PARD3B: variants seen among roughly 807,000 people sequenced by gnomAD.
PARD3B encodes partitioning defective 3 homolog B.
PARD3B carries 103 observed loss-of-function variants against 130.2 expected under a neutral mutation model. The observed-to-expected ratio is 0.79, with a 90% CI of 0.67 to 0.93. The LOEUF (loss-of-function observed/expected upper bound fraction) is 0.93, where lower values mean the gene tolerates loss of function less well. Among genes scored for constraint, PARD3B ranks in the 40% least tolerant of loss-of-function variants. PARD3B has a pLI of 0.00. For missense variants in PARD3B, 1,609 were observed against 1,499.2 expected (o/e 1.07, Z -1.21); for synonymous variants, 583 against 553.2 (o/e 1.05, Z -0.76).
chr2:204,871,562 A>G (rs562048487), intron 2 of PARD3B, among the ~76,000 whole-genome samples: 1 of 152,280 alleles, frequency 6.6e-6, no homozygotes, highest in African/African-American at 2.4e-5. Context: ...AAGTGCTAGA[A>G]AAGTAAATAA....
intron 4 of PARD3B, among the ~76,000 whole-genome samples, chr2:205,086,975 A>G (rs1239862416): frequency 6.6e-6 from 1 of 152,256 alleles, no homozygotes. Flanking sequence ...TAGATTTCAG[A>G]TATAGGCACT....
intron 3 of PARD3B, among the ~76,000 whole-genome samples, chr2:205,027,741 T>C (rs1697136455): frequency 6.6e-6 from 1 of 152,204 alleles, no homozygotes; most frequent in Non-Finnish European, 1.5e-5. Flanking sequence ...AATTTTTGTA[T>C]ATGAGGTAAG....
At chr2:204,986,978 T>A (rs1306431966) in intron 3 of PARD3B, among the ~76,000 whole-genome samples, 11 of 152,196 alleles carry the variant, frequency 7.2e-5, no homozygotes, top group Admixed American at 7.2e-4. Context: ...AGGGAGATAT[T>A]CTAAAACAAT....
intron 22 of PARD3B, among the ~76,000 whole-genome samples, chr2:205,613,799 C>T (rs376779928): frequency 6.6e-6 from 1 of 152,122 alleles, no homozygotes; most frequent in Non-Finnish European, 1.5e-5. Flanking sequence ...CTACATGCAC[C>T]GAGCTGGGAG....
At chr2:204,977,679 G>C (rs1463978744) in intron 3 of PARD3B, among the ~76,000 whole-genome samples, 1 of 152,060 alleles carries the variant, frequency 6.6e-6, no homozygotes, top group Non-Finnish European at 1.5e-5. Flanking sequence ...GGGCATGGTG[G>C]CGGGCGCCTG....
chr2:205,541,706 C>T (rs2052147843), intron 21 of PARD3B, among the ~76,000 whole-genome samples: 1 of 151,872 alleles, frequency 6.6e-6, no homozygotes, highest in Non-Finnish European at 1.5e-5. Context: ...GCAATGAGTA[C>T]AGCCAATCAG....
At chr2:204,661,777 A>C (rs2035816724) in intron 1 of PARD3B, among the ~76,000 whole-genome samples, 1 of 152,186 alleles carries the variant, frequency 6.6e-6, no homozygotes, top group Non-Finnish European at 1.5e-5. Flanking sequence ...AAAAATCTTT[A>C]CTGAAAAAAG....
chr2:204,782,764 A>G (rs1377356692), intron 2 of PARD3B, among the ~76,000 whole-genome samples: 1 of 152,008 alleles, frequency 6.6e-6, no homozygotes, highest in East Asian at 1.9e-4. Flanking sequence ...TAGGCAATGT[A>G]TTATTTATCT....
At chr2:205,571,992 C>G (rs1270704431) in intron 22 of PARD3B, among the ~76,000 whole-genome samples, 1 of 152,164 alleles carries the variant, frequency 6.6e-6, no homozygotes, top group African/African-American at 2.4e-5. Context: ...CTGGGCAGCT[C>G]AGGTGAGCAT....
intron 19 of PARD3B, among the ~76,000 whole-genome samples, chr2:205,427,280 A>G (rs1163819151): frequency 6.6e-6 from 1 of 152,262 alleles, no homozygotes; most frequent in African/African-American, 2.4e-5. Context: ...CCAAAGCCAC[A>G]GTGGTAACAA....
At chr2:205,379,656 T>C (rs1455298043) in intron 18 of PARD3B, among the ~76,000 whole-genome samples, 2 of 152,116 alleles carry the variant, frequency 1.3e-5, no homozygotes, top group African/African-American at 4.8e-5. Context: ...CTCTGCTTAC[T>C]ATGTACCATC....
At chr2:204,994,754 C>G (rs1362680442) in intron 3 of PARD3B, among the ~76,000 whole-genome samples, 4 of 144,862 alleles carry the variant, frequency 2.8e-5, no homozygotes, top group African/African-American at 1.0e-4. Context: ...CTTTATGAAT[C>G]TGGGTGCTCC....
chr2:205,359,004 T>A (rs1343370480), intron 18 of PARD3B, among the ~76,000 whole-genome samples: 1 of 152,188 alleles, frequency 6.6e-6, no homozygotes, highest in African/African-American at 2.4e-5. Context: ...CGCAAACATT[T>A]CTGGATCCTC....
chr2:205,519,826 G>C (rs1273959435), intron 21 of PARD3B, among the ~76,000 whole-genome samples: 1 of 152,124 alleles, frequency 6.6e-6, no homozygotes, highest in Non-Finnish European at 1.5e-5. Flanking sequence ...CTTATCTCTG[G>C]TTTCAGAGGT....
chr2:204,666,485 C>T (rs1019909479), intron 1 of PARD3B, among the ~76,000 whole-genome samples: 8 of 151,830 alleles, frequency 5.3e-5, no homozygotes, highest in Non-Finnish European at 1.0e-4. Context: ...AAAAGTGAGT[C>T]GATGTAGAGA....
rs1325419120 is a variant in PARD3B, at chr2:205,116,449, G to T, written c.681-2472G>T. Reference sequence around the variant, plus strand: ...AAGGAGAAGATGTTGGTGCCTAAATGATAATTAGAAGAGCAAGAAGAATTG... The same window carrying T: ...AAGGAGAAGATGTTGGTGCCTAAATTATAATTAGAAGAGCAAGAAGAATTG... On this transcript the variant is annotated intron_variant, in intron 6 of 22. Transcript: ENST00000406610. This position sits in a 1 kb window ranked among gnomAD's most constrained non-coding sequence, Gnocchi z 4.5. 6.6e-6 allele frequency among the ~76,000 whole-genome samples: 1 copy of T among 152,190 alleles called. No homozygotes were observed. The highest frequency in any genetic ancestry group is 1.5e-5 in the Non-Finnish European group (1 of 68,022).
At chr2:204,586,218 A>G (rs1004303290) in intron 1 of PARD3B, among the ~76,000 whole-genome samples, 1 of 152,342 alleles carries the variant, frequency 6.6e-6, no homozygotes, top group Middle Eastern at 3.4e-3. Context: ...TCATAAATGC[A>G]TACCTGACAC....
chr2:205,558,542 GGGCTATACCT>G lies in PARD3B; in HGVS notation c.3260+5141_3260+5150del, dbSNP rs2052998589. 6.6e-6 allele frequency among the ~76,000 whole-genome samples: 1 copy of G among 152,064 alleles called. No homozygotes were observed. Among genetic ancestry groups the G allele is most frequent in the South Asian group, 2.1e-4 (1 of 4,822 alleles). On this transcript the variant is annotated intron_variant, in intron 22 of 22. Coordinates refer to ENST00000406610, the MANE Select transcript of PARD3B (RefSeq NM_001302769.2). This position sits in a 1 kb window ranked among gnomAD's most constrained non-coding sequence, Gnocchi z 4.8. ...TTTCCCACATTTCCTAAGAAAAAGT[GGGCTATACCT>G]GTTGGTTCTATTTCCACTCAACCCA...
chr2:205,057,781 GTGTT>G (rs1329178729), intron 4 of PARD3B, among the ~76,000 whole-genome samples: 3 of 150,772 alleles, frequency 2.0e-5, no homozygotes, highest in Non-Finnish European at 4.4e-5. Flanking sequence ...ACGTGTGTGT[GTGTT>G]TGTGTGTATG....
Sources: allele counts gnomAD v4.1 joint callset (sites outside exome capture counted in the v4.1 genomes callset), GRCh38; gene constraint gnomAD v4.1.1; non-coding constraint Gnocchi (gnomAD v3.1); transcripts MANE v1.5; gene names NCBI Gene and HGNC (gene_info 2026-07-23, HGNC 2026-07-21).